The following MEF2A variants were observed in gnomAD, a reference collection of about 807,000 sequenced individuals.
MEF2A encodes myocyte enhancer factor 2A, also known as myocyte-specific enhancer factor 2A.
In MEF2A, 28 loss-of-function variants were observed where a neutral mutation model predicts 55.8. That is an observed-to-expected ratio of 0.50 (90% CI 0.37 to 0.69). The LOEUF (loss-of-function observed/expected upper bound fraction) is 0.69, where lower values mean the gene tolerates loss of function less well. Among genes scored for constraint, MEF2A ranks in the 30% least tolerant of loss-of-function variants. MEF2A has a pLI of 0.00. For synonymous variants in MEF2A, 239 were observed against 227.1 expected, an observed-to-expected ratio of 1.05 and a Z score of -0.47; for missense variants, 528 against 626.2, an observed-to-expected ratio of 0.84 and a Z score of 1.67.
At chr15:99,591,981 C>T (rs1437301273) in intron 1 of MEF2A, among the ~76,000 whole-genome samples, 2 of 152,146 alleles carry the variant, frequency 1.3e-5, no homozygotes, top group Non-Finnish European at 2.9e-5. Flanking sequence ...GTGGGTCACA[C>T]ATTTCTTCAT....
intron 1 of MEF2A, among the ~76,000 whole-genome samples, chr15:99,578,316 A>G (rs541934707): frequency 7.2e-5 from 11 of 152,166 alleles, no homozygotes; most frequent in South Asian, 2.1e-4. Context: ...CTAGGTTGCA[A>G]TCTGATGCTG....
intron 8 of MEF2A, among the ~76,000 whole-genome samples, chr15:99,693,258 A>G (rs919945616): frequency 1.2e-4 from 18 of 152,232 alleles, no homozygotes; most frequent in Admixed American, 6.5e-4. Context: ...AAGACAAAAT[A>G]AACAGAATTA....
chr15:99,579,098 T>C lies in MEF2A; in HGVS notation c.-225+12994T>C, dbSNP rs539593431. Among the ~76,000 whole-genome samples, 4 of 152,330 alleles carry C rather than the reference T, an allele frequency of 2.6e-5. No homozygotes were observed. The East Asian group carries it at 7.7e-4, about 29-fold the overall frequency. On this transcript the variant is annotated intron_variant, in intron 1 of 11. Coordinates refer to ENST00000557942, the MANE Select transcript of MEF2A (RefSeq NM_001319206.4). ...TTGAATCACTTCTTTCTTGGGTGCC[T>C]TGCAATTTAGTCTTCATTTCTGTAC...
intron 2 of MEF2A, among the ~76,000 whole-genome samples, chr15:99,630,769 G>A (rs538442787): frequency 1.7e-4 from 26 of 152,188 alleles, no homozygotes; most frequent in Admixed American, 3.9e-4. Context: ...CTCTTCCTGC[G>A]TGGGCTAGTC....
At chr15:99,570,032 T>G (rs1156268270) in intron 1 of MEF2A, among the ~76,000 whole-genome samples, 1 of 151,732 alleles carries the variant, frequency 6.6e-6, no homozygotes, top group Non-Finnish European at 1.5e-5. Flanking sequence ...TTAATAATAT[T>G]TATATTTACA....
chr15:99,609,425 T>G (rs1596456800), intron 2 of MEF2A, among the ~76,000 whole-genome samples: 2 of 152,356 alleles, frequency 1.3e-5, no homozygotes, highest in East Asian at 3.9e-4. Flanking sequence ...CAAACTGCAC[T>G]TTCAGGTAAT....
At chr15:99,604,946 G>T (rs1974519536) in intron 2 of MEF2A, among the ~76,000 whole-genome samples, 1 of 152,106 alleles carries the variant, frequency 6.6e-6, no homozygotes, top group South Asian at 2.1e-4. Flanking sequence ...AATTTTGTTA[G>T]TTTATCTGCT....
chr15:99,674,530 C>T lies in MEF2A; in HGVS notation c.528C>T (p.Ser176=). The change falls in exon 6 of 12, where the codon AGC becomes AGT. Residue 176 remains serine (S), a synonymous_variant. Coordinates refer to ENST00000557942, the MANE Select transcript of MEF2A (RefSeq NM_001319206.4). ...LAASSTLTDS[S]MLSPPQTTLH... ...CCAGCTCAACGTTAACAGATTCAAG[C>T]ATGCTCTCTCCACCTCAAACCACAT... 6.2e-7 allele frequency: 1 copy of T among 1,613,968 alleles called. No individual in the cohort carries two copies. The highest frequency in any genetic ancestry group is 8.5e-7 in the Non-Finnish European group (1 of 1,179,892).
intron 4 of MEF2A, among the ~76,000 whole-genome samples, chr15:99,647,087 T>A (rs868039227): frequency 2.6e-5 from 4 of 152,152 alleles, no homozygotes; most frequent in Non-Finnish European, 5.9e-5. Context: ...GCAGTTATAT[T>A]TATGTCATTT....
chr15:99,634,702 C>T (rs2570808), intron 3 of MEF2A, among the ~76,000 whole-genome samples: 101,934 of 151,926 alleles, frequency 0.67, 38,411 homozygotes, highest in Middle Eastern at 0.86. Flanking sequence ...ATGGAACTTT[C>T]TGAGTTGAGG....
In MEF2A at chr15:99,714,765, G is replaced by C. The variant is rs948005446; in HGVS notation, c.*1994G>C. 1.3e-5 allele frequency: 2 copies of C among 151,170 alleles called. No individual in the cohort carries two copies. The highest frequency in any genetic ancestry group is 2.9e-5 in the Non-Finnish European group (2 of 67,914). The allele number at this position is 151,170 out of a possible 1,614,324, so 9.4% of individuals were successfully genotyped here. A position where few individuals can be genotyped will look rare whatever the true frequency, so the allele number is the denominator to read the frequency against. On this transcript the variant is annotated 3_prime_UTR_variant, in exon 12 of 12. Coordinates refer to ENST00000557942, the MANE Select transcript of MEF2A (RefSeq NM_001319206.4). ...GCTATTTTATATTTTAAATGATATT[G>C]AGCAGCTACCTACAATTTCTATGTA...
chr15:99,639,131 A>G (rs2044429737), intron 3 of MEF2A, among the ~76,000 whole-genome samples: 2 of 152,170 alleles, frequency 1.3e-5, no homozygotes, highest in Admixed American at 6.5e-5. Context: ...GGTTTGCTAT[A>G]TTCATTATCC....
At chr15:99,711,118 C>G (rs2058594668) in intron 11 of MEF2A, among the ~76,000 whole-genome samples, 1 of 152,212 alleles carries the variant, frequency 6.6e-6, no homozygotes, top group Non-Finnish European at 1.5e-5. Context: ...TGCACCCCTG[C>G]TCCCAAGCAC....
chr15:99,678,707 A>G, intron 7 of MEF2A: 1 of 979,180 alleles, frequency 1.0e-6, no homozygotes, highest in South Asian at 4.7e-5. Flanking sequence ...GAACGAACTC[A>G]GGAAAGGCAA....
intron 2 of MEF2A, among the ~76,000 whole-genome samples, chr15:99,617,612 A>C (rs2040425976): frequency 6.6e-6 from 1 of 152,326 alleles, no homozygotes; most frequent in Non-Finnish European, 1.5e-5. Flanking sequence ...AAAACAGGAA[A>C]GATTTTACCA....
intron 2 of MEF2A, among the ~76,000 whole-genome samples, chr15:99,617,008 C>G (rs1182955613): frequency 2.0e-5 from 3 of 152,136 alleles, no homozygotes; most frequent in Non-Finnish European, 4.4e-5. Flanking sequence ...TGTCTCCTGC[C>G]TTGTCTTTGT....
At chr15:99,596,688 T>G (rs1971284683) in intron 1 of MEF2A, among the ~76,000 whole-genome samples, 1 of 152,230 alleles carries the variant, frequency 6.6e-6, no homozygotes. Flanking sequence ...TGTGTTAGCA[T>G]TATAATTGAT....
chr15:99,638,424 C>T (rs1157265711), intron 3 of MEF2A, among the ~76,000 whole-genome samples: 1 of 152,100 alleles, frequency 6.6e-6, no homozygotes, highest in South Asian at 2.1e-4. Context: ...ATTCTAGTTA[C>T]ATATAACGGT....
intron 2 of MEF2A, among the ~76,000 whole-genome samples, chr15:99,631,188 G>A (rs1440876626): frequency 1.3e-5 from 2 of 152,102 alleles, no homozygotes; most frequent in Non-Finnish European, 2.9e-5. Context: ...GTGATATAAG[G>A]TAGTACACTG....
Sources: allele counts gnomAD v4.1 joint callset (sites outside exome capture counted in the v4.1 genomes callset), GRCh38; gene constraint gnomAD v4.1.1; transcripts MANE v1.5; gene names NCBI Gene and HGNC (gene_info 2026-07-23, HGNC 2026-07-21).